Variants in SPOCK1 observed in about 807,000 individuals in gnomAD.
SPOCK1 encodes the protein SPARC (osteonectin), cwcv and kazal like domains proteoglycan 1, also known as testican-1.
Under a neutral mutation model 55.3 loss-of-function variants are expected in SPOCK1, and 23 were observed. The observed-to-expected ratio is 0.42, with a 90% CI of 0.30 to 0.59. The LOEUF (loss-of-function observed/expected upper bound fraction) is 0.59. SPOCK1 is among the 20% of genes least tolerant of loss of function. The probability of loss-of-function intolerance (pLI) is 0.22; values close to 1 mark genes in which losing one functional copy is unlikely to be tolerated. For missense variants in SPOCK1, 499 were observed against 552.5 expected, an observed-to-expected ratio of 0.90 and a Z score of 0.97; for synonymous variants, 226 against 221.0, an observed-to-expected ratio of 1.02 and a Z score of -0.20.
intron 2 of SPOCK1, among the ~76,000 whole-genome samples, chr5:137,307,956 G>A (rs1241215052): frequency 6.6e-6 from 1 of 152,164 alleles, no homozygotes; most frequent in Non-Finnish European, 1.5e-5. Context: ...ACAAAACAAG[G>A]TAAATGTCCA....
rs186270896 is a variant in SPOCK1 at position 137,133,550 on chromosome 5, A to C, written c.347+7030T>G. ...CTCTCTGCTGCTTGTCATCAAGGTC[A>C]TCTAATCAATAGTCTTCGTTTCAGA... On this transcript the variant is annotated intron_variant, in intron 4 of 10. Coordinates refer to ENST00000394945, the MANE Select transcript of SPOCK1 (RefSeq NM_004598.4). 1.3e-3 allele frequency among the ~76,000 whole-genome samples: 196 copies of C among 152,254 alleles called. 1 individual carries two copies. The highest frequency in any genetic ancestry group is 4.2e-3 in the African/African-American group (174 of 41,568).
chr5:137,290,571 C>T (rs1316040303), intron 2 of SPOCK1, among the ~76,000 whole-genome samples: 1 of 152,134 alleles, frequency 6.6e-6, no homozygotes, highest in Non-Finnish European at 1.5e-5. Flanking sequence ...TGTGGTAAGT[C>T]CATTCTATTC....
chr5:137,208,284 G>T (rs904453335), intron 3 of SPOCK1, among the ~76,000 whole-genome samples: 3 of 152,128 alleles, frequency 2.0e-5, no homozygotes, highest in Admixed American at 6.5e-5. Flanking sequence ...AATAACTTTT[G>T]CCCCAGAATT....
At chr5:137,472,055 T>A (rs1381303983) in intron 2 of SPOCK1, among the ~76,000 whole-genome samples, 3 of 152,062 alleles carry the variant, frequency 2.0e-5, no homozygotes, top group African/African-American at 7.2e-5. Flanking sequence ...AGAGTCAGAC[T>A]CTCCCTCCAC....
At chr5:137,020,662 C>T (rs1282529445) in intron 6 of SPOCK1, among the ~76,000 whole-genome samples, 1 of 151,730 alleles carries the variant, frequency 6.6e-6, no homozygotes, top group African/African-American at 2.4e-5. Flanking sequence ...ATTTGGAACA[C>T]ACAACTGAAA....
At chr5:137,415,458 G>A (rs1405332082) in intron 2 of SPOCK1, among the ~76,000 whole-genome samples, 1 of 152,226 alleles carries the variant, frequency 6.6e-6, no homozygotes, top group Non-Finnish European at 1.5e-5. Context: ...CCCAAAGGTG[G>A]TAGGAAGGGT....
chr5:137,431,391 T>C (rs1752740107), intron 2 of SPOCK1, among the ~76,000 whole-genome samples: 1 of 152,226 alleles, frequency 6.6e-6, no homozygotes, highest in Non-Finnish European at 1.5e-5. Context: ...CAGAGTTCTG[T>C]TTCCATCTTC....
intron 3 of SPOCK1, among the ~76,000 whole-genome samples, chr5:137,260,037 T>G (rs367684955): frequency 6.6e-6 from 1 of 152,228 alleles, no homozygotes; most frequent in Non-Finnish European, 1.5e-5. Context: ...TATGGAAAAC[T>G]ATTCTGCCTG....
At chr5:137,304,748 CA>C (rs1450756727) in intron 2 of SPOCK1, among the ~76,000 whole-genome samples, 2 of 152,120 alleles carry the variant, frequency 1.3e-5, no homozygotes, top group Non-Finnish European at 2.9e-5. Flanking sequence ...GGCCTCTCTA[CA>C]GAGAGGAGAG....
At chr5:137,331,342 C>G (rs147404736) in intron 2 of SPOCK1, among the ~76,000 whole-genome samples, 1,711 of 152,262 alleles carry the variant, frequency 0.011, 32 homozygotes, top group African/African-American at 0.04. Context: ...GAAGACTTGC[C>G]AAAGTGTGGC....
intron 6 of SPOCK1, among the ~76,000 whole-genome samples, chr5:137,054,941 G>A (rs1157804587): frequency 6.6e-6 from 1 of 152,122 alleles, no homozygotes; most frequent in African/African-American, 2.4e-5. Flanking sequence ...GGTCCAAAAT[G>A]TAATAGAATC....
intron 3 of SPOCK1, among the ~76,000 whole-genome samples, chr5:137,196,400 A>G (rs190101728): frequency 6.6e-6 from 1 of 152,356 alleles, no homozygotes; most frequent in East Asian, 1.9e-4. Flanking sequence ...ACAGTACTCC[A>G]CAAGGTGCAT....
intron 2 of SPOCK1, among the ~76,000 whole-genome samples, chr5:137,485,594 G>A (rs1276205457): frequency 4.6e-5 from 7 of 152,122 alleles, no homozygotes; most frequent in East Asian, 1.9e-4. Context: ...GTGTACATGG[G>A]TTTACCAAAA....
At chr5:137,109,826 A>G (rs1441633167) in intron 5 of SPOCK1, among the ~76,000 whole-genome samples, 2 of 152,210 alleles carry the variant, frequency 1.3e-5, no homozygotes, top group Non-Finnish European at 2.9e-5. Context: ...ACCATTCCCT[A>G]TAAAACAAGT....
rs185081915 is a variant in SPOCK1 at position 137,440,097 on chromosome 5, T to C, written c.186+58276A>G. Among the ~76,000 whole-genome samples the C allele has an allele frequency of 1.2e-4, 18 of 152,184 alleles. No homozygotes were observed. In the East Asian group the frequency reaches 3.1e-3, roughly 26 times the overall value. On this transcript the variant is annotated intron_variant, in intron 2 of 10. Coordinates refer to ENST00000394945, the MANE Select transcript of SPOCK1 (RefSeq NM_004598.4). Reference sequence around the variant, plus strand: ...GACTCTGCAGGGAGGGGGAAAAATCTTTAAAATGATTACCATGAATATCTT... The same window carrying C: ...GACTCTGCAGGGAGGGGGAAAAATCCTTAAAATGATTACCATGAATATCTT...
intron 9 of SPOCK1, among the ~76,000 whole-genome samples, chr5:136,980,904 G>A (rs1210373168): frequency 6.6e-6 from 1 of 152,120 alleles, no homozygotes; most frequent in Non-Finnish European, 1.5e-5. Flanking sequence ...CATTTTGAGG[G>A]ATGAAAGTAG....
chr5:137,105,307 C>T (rs947743936), intron 5 of SPOCK1, among the ~76,000 whole-genome samples: 5 of 152,084 alleles, frequency 3.3e-5, no homozygotes, highest in Non-Finnish European at 5.9e-5. Flanking sequence ...AAGCCATTTG[C>T]AAGTAAAGCC....
intron 9 of SPOCK1, among the ~76,000 whole-genome samples, chr5:136,984,767 C>A (rs922572579): frequency 2.0e-5 from 3 of 152,178 alleles, no homozygotes; most frequent in Non-Finnish European, 4.4e-5. Context: ...CAATCCTATC[C>A]GGGGAATGGA....
At chr5:137,299,386 C>A (rs1017187093) in intron 2 of SPOCK1, among the ~76,000 whole-genome samples, 2 of 151,852 alleles carry the variant, frequency 1.3e-5, no homozygotes, top group South Asian at 4.1e-4. Flanking sequence ...AGTTTTTGAT[C>A]CAAATTACTG....
Sources: gnomAD v4.1 joint callset for allele counts (sites outside exome capture counted in the v4.1 genomes callset) on GRCh38, gnomAD v4.1.1 for gene constraint, MANE v1.5 for transcripts, NCBI Gene and HGNC (gene_info 2026-07-23, HGNC 2026-07-21) for gene names.